Variants in TCF20 observed in about 807,000 individuals in gnomAD.
The protein encoded by TCF20 is SPRE-binding protein.
TCF20 carries 3 observed loss-of-function variants against 148.6 expected under a neutral mutation model. The ratio of observed to expected loss-of-function variants is 0.02; its 90% CI spans 0.01 to 0.05. The LOEUF (loss-of-function observed/expected upper bound fraction) is 0.05. Ranked by LOEUF, TCF20 falls within the 10% of genes least tolerant of loss-of-function variation. The probability of loss-of-function intolerance (pLI) is 1.00; values close to 1 mark genes in which losing one functional copy is unlikely to be tolerated. For missense variants in TCF20, 2,350 were observed against 2,429.3 expected (o/e 0.97, Z 0.69); for synonymous variants, 1,049 against 909.5 (o/e 1.15, Z -2.76).
rs983396051 is a variant in TCF20, at chr22:42,270,428, G to C, written c.-126C>G. Among the ~76,000 whole-genome samples, 1 of 146,504 alleles carries C rather than the reference G, an allele frequency of 6.8e-6. No homozygotes were observed. The highest frequency in any genetic ancestry group is 2.5e-5 in the African/African-American group (1 of 40,508). On this transcript the variant is annotated 5_prime_UTR_variant, in exon 1 of 6. Transcript: ENST00000677622. ...GACGGCGGGCGGCGCTGCGCGGGGTGGGGGTGGGGGTGGCTCCGCCGCCTC... is the reference window on the plus strand; with the variant it reads ...GACGGCGGGCGGCGCTGCGCGGGGTCGGGGTGGGGGTGGCTCCGCCGCCTC...
intron 5 of TCF20, among the ~76,000 whole-genome samples, chr22:42,165,257 G>A (rs1247206204): frequency 6.6e-6 from 1 of 152,228 alleles, no homozygotes; most frequent in Non-Finnish European, 1.5e-5. Flanking sequence ...CCAGCTCCAG[G>A]GGCAGGGGGG....
chr22:42,172,237 C>T (rs1186773945), intron 3 of TCF20, among the ~76,000 whole-genome samples: 1 of 152,240 alleles, frequency 6.6e-6, no homozygotes, highest in Non-Finnish European at 1.5e-5. Context: ...GCCAGAACCA[C>T]AGCTAGAGAG....
intron 1 of TCF20, among the ~76,000 whole-genome samples, chr22:42,250,141 TA>T: frequency 6.6e-6 from 1 of 152,118 alleles, no homozygotes; most frequent in South Asian, 2.1e-4. Flanking sequence ...ATGGTCTCTT[TA>T]AAAAAAGTTG....
At chr22:42,230,761 T>A (rs1923327395) in intron 1 of TCF20, among the ~76,000 whole-genome samples, 1 of 152,104 alleles carries the variant, frequency 6.6e-6, no homozygotes, top group Admixed American at 6.5e-5. Flanking sequence ...TGGAAGACAG[T>A]GATATTGATT....
At chr22:42,195,989 T>C (rs1254744217) in intron 2 of TCF20, among the ~76,000 whole-genome samples, 1 of 152,176 alleles carries the variant, frequency 6.6e-6, no homozygotes, top group African/African-American at 2.4e-5. Flanking sequence ...GGGGAGCCTA[T>C]CTGGTGAGGA....
chr22:42,296,840 C>T (rs1354654901), intron 1 of TCF20, among the ~76,000 whole-genome samples: 2 of 152,288 alleles, frequency 1.3e-5, no homozygotes, highest in African/African-American at 2.4e-5. Flanking sequence ...CAGCTTTTCG[C>T]GAATGAGAAA....
Position 42,214,742 on chromosome 22 carries a change from G to A in TCF20, c.564C>T (p.Tyr188=). 6.2e-7 allele frequency: 1 copy of A among 1,614,046 alleles called. No homozygotes were observed. Among genetic ancestry groups the A allele is most frequent in the Non-Finnish European group, 8.5e-7 (1 of 1,180,022 alleles). The part of the protein sequence containing the change: ...QQVQQLRQQL[Y]QSHQPLPQAT... Reference sequence around the variant, plus strand: ...CCTGTGGCAGGGGCTGATGGGACTGGTAAAGCTGTTGTCTCAACTGCTGGA... The same window carrying A: ...CCTGTGGCAGGGGCTGATGGGACTGATAAAGCTGTTGTCTCAACTGCTGGA... Residue 188 remains tyrosine, a synonymous_variant, in exon 2 of 6, where the codon TAC becomes TAT. Coordinates refer to ENST00000677622, the MANE Select transcript of TCF20 (RefSeq NM_001378418.1).
intron 2 of TCF20, among the ~76,000 whole-genome samples, chr22:42,209,392 G>A (rs953570014): frequency 6.6e-6 from 1 of 152,296 alleles, no homozygotes; most frequent in African/African-American, 2.4e-5. Flanking sequence ...TGGAAAGTGT[G>A]CGTTAGAAAA....
At chr22:42,241,566 C>G (rs552784187) in intron 1 of TCF20, among the ~76,000 whole-genome samples, 1 of 152,182 alleles carries the variant, frequency 6.6e-6, no homozygotes, top group Non-Finnish European at 1.5e-5. Context: ...GTGGCTCATA[C>G]TTGTAATTCC....
intron 1 of TCF20, among the ~76,000 whole-genome samples, chr22:42,261,674 G>A (rs887410808): frequency 6.6e-6 from 1 of 152,126 alleles, no homozygotes; most frequent in African/African-American, 2.4e-5. Flanking sequence ...GGCTAGGCTT[G>A]CCAGAGTGCT....
upstream of TCF20, among the ~76,000 whole-genome samples, chr22:42,273,486 C>G (rs1409242956): frequency 3.3e-5 from 5 of 151,484 alleles, no homozygotes; most frequent in African/African-American, 9.7e-5. Flanking sequence ...GGTTAAGTTG[C>G]TGCCCAAGAT....
intron 1 of TCF20, among the ~76,000 whole-genome samples, chr22:42,221,981 G>A (rs1346187884): frequency 4.0e-5 from 6 of 151,378 alleles, no homozygotes; most frequent in Admixed American, 2.0e-4. Context: ...CTCATGATCC[G>A]CCCGCCTCAG....
chr22:42,334,761 G>T (rs986558072), intron 1 of TCF20, among the ~76,000 whole-genome samples: 1 of 152,200 alleles, frequency 6.6e-6, no homozygotes, highest in Non-Finnish European at 1.5e-5. Flanking sequence ...TCAAATTCAG[G>T]GCCTTGCCTG....
At chr22:42,336,661 C>A (rs759584050) in intron 1 of TCF20, among the ~76,000 whole-genome samples, 1 of 152,184 alleles carries the variant, frequency 6.6e-6, no homozygotes, top group Non-Finnish European at 1.5e-5. Context: ...CCCCTAAACC[C>A]CCTCCACACA....
intron 1 of TCF20, among the ~76,000 whole-genome samples, chr22:42,262,037 T>TA (rs890588876): frequency 3.3e-5 from 5 of 151,552 alleles, no homozygotes; most frequent in Admixed American, 6.6e-5. Flanking sequence ...TTCTGGGGCC[T>TA]AAAAAAAAGT....
intron 1 of TCF20, among the ~76,000 whole-genome samples, chr22:42,220,184 T>C (rs1922225701): frequency 6.6e-6 from 1 of 151,064 alleles, no homozygotes; most frequent in South Asian, 2.1e-4. Flanking sequence ...ATTCTCTTTT[T>C]TGGAAAGAGA....
chr22:42,219,056 T>C (rs1922083493), intron 1 of TCF20, among the ~76,000 whole-genome samples: 1 of 152,036 alleles, frequency 6.6e-6, no homozygotes, highest in South Asian at 2.1e-4. Flanking sequence ...AACTAGCATA[T>C]ACCAACGACA....
rs1335974274 is a variant in TCF20 at position 42,338,276 on chromosome 22, T to C, written c.-37+5203A>G. On this transcript the variant is annotated intron_variant, in intron 1 of 1. Coordinates refer to the TCF20 transcript ENST00000515426. This position sits in a 1 kb window ranked among gnomAD's most constrained non-coding sequence, Gnocchi z 4.0. ...AAGAGGGCCGGAGAAACTTTTCGTC[T>C]GAATGGAGGTCGGCTGCACAGAGGA... is the stretch of plus-strand genomic sequence containing the variant. 6.6e-6 allele frequency among the ~76,000 whole-genome samples: 1 copy of C among 152,260 alleles called. No individual in the cohort carries two copies. Among genetic ancestry groups the C allele is most frequent in the Non-Finnish European group, 1.5e-5 (1 of 68,048 alleles).
Position 42,338,209 on chromosome 22 carries a change from C to A in TCF20, c.-37+5270G>T, listed in dbSNP as rs9611770. On this transcript the variant is annotated intron_variant, in intron 1 of 1. Transcript: ENST00000515426. The surrounding 1 kb of genome is among the most constrained non-coding windows in gnomAD (Gnocchi z 4.0). ...ACGGTTCTGCAGCATGAGAAATCCC[C>A]TCGCAGCTGGGTCCCCAGTGCCCGC... Among the ~76,000 whole-genome samples the A allele has an allele frequency of 2.0e-5, 3 of 152,372 alleles. No homozygotes were observed. The East Asian group carries it at 5.8e-4, about 29-fold the overall frequency.
Sources: gnomAD v4.1 joint callset for allele counts (sites outside exome capture counted in the v4.1 genomes callset) on GRCh38, gnomAD v4.1.1 for gene constraint, Gnocchi (gnomAD v3.1) non-coding constraint, MANE v1.5 for transcripts, NCBI Gene and HGNC (gene_info 2026-07-23, HGNC 2026-07-21) for gene names.